The following CTNNA2 variants were observed in gnomAD, a reference collection of about 807,000 sequenced individuals.
CTNNA2 encodes catenin alpha 2.
Under a neutral mutation model 101.0 loss-of-function variants are expected in CTNNA2, and 42 were observed. That is an observed-to-expected ratio of 0.42 (90% CI 0.32 to 0.54). The LOEUF is 0.54. Ranked by LOEUF, CTNNA2 falls within the 20% of genes least tolerant of loss-of-function variation. CTNNA2 has a pLI of 0.14. For synonymous variants in CTNNA2, 450 were observed against 456.4 expected (o/e 0.99, Z 0.18); for missense variants, 871 against 1,223.1 (o/e 0.71, Z 4.29).
chr2:79,856,619 A>G (rs910653492), intron 3 of CTNNA2, among the ~76,000 whole-genome samples: 1 of 152,192 alleles, frequency 6.6e-6, no homozygotes, highest in African/African-American at 2.4e-5. Context: ...CCCAAAGTGG[A>G]TATCCACCCA....
At chr2:80,575,878 C>T (rs926283747) in intron 13 of CTNNA2, among the ~76,000 whole-genome samples, 14 of 152,064 alleles carry the variant, frequency 9.2e-5, no homozygotes, top group African/African-American at 2.7e-4. Context: ...TTTGATTAGA[C>T]GGATTTCACA....
intron 2 of CTNNA2, among the ~76,000 whole-genome samples, chr2:79,259,424 G>T (rs150214539): frequency 7.2e-5 from 11 of 152,294 alleles, no homozygotes; most frequent in South Asian, 2.1e-4. Flanking sequence ...TCAATAGAAA[G>T]AACCCATTCA....
At chr2:79,643,987 C>G (rs1680626367) in intron 1 of CTNNA2, among the ~76,000 whole-genome samples, 1 of 152,054 alleles carries the variant, frequency 6.6e-6, no homozygotes, top group South Asian at 2.1e-4. Flanking sequence ...TCTGCTGTAT[C>G]TCTATCATGT....
At chr2:79,666,610 G>A (rs1419554869) in intron 2 of CTNNA2, among the ~76,000 whole-genome samples, 6 of 152,132 alleles carry the variant, frequency 3.9e-5, no homozygotes, top group Non-Finnish European at 7.3e-5. Context: ...ACACAAATAC[G>A]GATGGTGCTT....
chr2:79,338,057 T>C (rs11126710), intron 3 of CTNNA2, among the ~76,000 whole-genome samples: 145,232 of 151,708 alleles, frequency 0.96, 69,577 homozygotes, highest in East Asian at 1. Flanking sequence ...ACCAGCCTGG[T>C]GAACATGGAG....
chr2:79,476,634 T>TC, intron 4 of CTNNA2, among the ~76,000 whole-genome samples: 1 of 152,206 alleles, frequency 6.6e-6, no homozygotes, highest in Non-Finnish European at 1.5e-5. Context: ...TACTGCCAAC[T>TC]TGACTTCTAT....
chr2:80,367,091 C>A (rs934485488), intron 7 of CTNNA2, among the ~76,000 whole-genome samples: 1 of 151,328 alleles, frequency 6.6e-6, no homozygotes, highest in African/African-American at 2.4e-5. Flanking sequence ...AGGGGGATGA[C>A]TTTGAATAGA....
At chr2:79,795,989 G>A (rs1031510364) in intron 3 of CTNNA2, among the ~76,000 whole-genome samples, 4 of 152,096 alleles carry the variant, frequency 2.6e-5, no homozygotes, top group Admixed American at 1.3e-4. Flanking sequence ...GTTTCTCTGG[G>A]CCCTAAAATG....
At chr2:79,418,086 C>G (rs1678502928) in intron 4 of CTNNA2, among the ~76,000 whole-genome samples, 1 of 152,062 alleles carries the variant, frequency 6.6e-6, no homozygotes, top group Non-Finnish European at 1.5e-5. Flanking sequence ...GGAGTTGAAG[C>G]TGTCCTCTTA....
chr2:80,225,503 A>G (rs1396818665), intron 7 of CTNNA2, among the ~76,000 whole-genome samples: 1 of 152,226 alleles, frequency 6.6e-6, no homozygotes, highest in Non-Finnish European at 1.5e-5. Flanking sequence ...TGGTTTAAGA[A>G]AAATGCAGAA....
At chr2:79,376,451 G>GTT (rs200549562) in intron 4 of CTNNA2, among the ~76,000 whole-genome samples, 43,752 of 148,690 alleles carry the variant, frequency 0.29, 6,715 homozygotes, top group Middle Eastern at 0.46. Context: ...TTGTTGGTTG[G>GTT]TTTTGTTTTT....
chr2:79,405,737 T>C (rs942554429), intron 4 of CTNNA2, among the ~76,000 whole-genome samples: 1 of 152,070 alleles, frequency 6.6e-6, no homozygotes, highest in Non-Finnish European at 1.5e-5. Flanking sequence ...CAAATCAGGG[T>C]AATAAGTATA....
At chr2:80,321,016 T>G (rs1678624432) in intron 7 of CTNNA2, among the ~76,000 whole-genome samples, 1 of 152,210 alleles carries the variant, frequency 6.6e-6, no homozygotes, top group Admixed American at 6.5e-5. Context: ...GTGCCAATAT[T>G]AATGTTTATT....
intron 7 of CTNNA2, chr2:80,313,464 T>G: frequency 6.6e-7 from 1 of 1,523,686 alleles, no homozygotes; most frequent in Non-Finnish European, 8.8e-7. Context: ...CCAATATTAT[T>G]CATGCTATGG....
chr2:79,234,178 T>C (rs1388466694), intron 2 of CTNNA2, among the ~76,000 whole-genome samples: 13 of 151,858 alleles, frequency 8.6e-5, no homozygotes. Flanking sequence ...TAGGTTTTGG[T>C]CTTTTGTTTC....
Position 80,648,714 on chromosome 2 carries a change from G to GGAGT in CTNNA2, c.*844_*847dup, listed in dbSNP as rs1674383368. On this transcript the variant is annotated 3_prime_UTR_variant, in exon 19 of 19. Transcript: ENST00000402739. ...AGAGGCAAATACATAGGTGTAGCTT[G>GGAGT]GAGTGCTGGTATCTAATATACCATT... 6.6e-6 allele frequency: 1 copy of GGAGT among 152,036 alleles called. No individual in the cohort carries two copies. Among genetic ancestry groups the GGAGT allele is most frequent in the East Asian group, 1.9e-4 (1 of 5,176 alleles). The allele number at this position is 152,036 out of a possible 1,614,324, so 9.4% of individuals were successfully genotyped here.
chr2:79,710,199 T>C (rs1410232576), intron 2 of CTNNA2, among the ~76,000 whole-genome samples: 2 of 151,918 alleles, frequency 1.3e-5, no homozygotes, highest in African/African-American at 4.8e-5. Context: ...TTCTAAACCA[T>C]TATTAAAAAA....
intron 8 of CTNNA2, among the ~76,000 whole-genome samples, chr2:80,399,279 A>G (rs1334825246): frequency 6.6e-6 from 1 of 152,148 alleles, no homozygotes; most frequent in Admixed American, 6.5e-5. Flanking sequence ...CCTGGAAAAT[A>G]GTCATTAGGC....
At chr2:80,634,698 G>A (rs1361073700) in intron 18 of CTNNA2, among the ~76,000 whole-genome samples, 1 of 152,120 alleles carries the variant, frequency 6.6e-6, no homozygotes, top group Admixed American at 6.6e-5. Context: ...TTTGTAACAA[G>A]CCAGTAAGAG....
Sources: gnomAD v4.1 joint callset for allele counts (sites outside exome capture counted in the v4.1 genomes callset) on GRCh38, gnomAD v4.1.1 for gene constraint, MANE v1.5 for transcripts, NCBI Gene and HGNC (gene_info 2026-07-23, HGNC 2026-07-21) for gene names.